The following FAM220A variants were observed in gnomAD, a reference collection of about 807,000 sequenced individuals.
FAM220A encodes the protein protein FAM220A.
For synonymous variants in FAM220A, 141 were observed against 130.7 expected (o/e 1.08, Z -0.54); for missense variants, 392 against 321.6 (o/e 1.22, Z -1.68).
At chr7:6,333,017 C>CGTGCTGGCG (rs1364445785) in intron 1 of FAM220A, among the ~76,000 whole-genome samples, 2 of 151,874 alleles carry the variant, frequency 1.3e-5, no homozygotes, top group Admixed American at 1.3e-4. Context: ...AACAGCCAGA[C>CGTGCTGGCG]GTGCTGGCGG....
Position 6,331,007 on chromosome 7 carries a change from G to A in FAM220A, c.148C>T (p.Pro50Ser). 1 of 1,614,134 alleles carries A rather than the reference G, an allele frequency of 6.2e-7. No individual in the cohort carries two copies. Among genetic ancestry groups the A allele is most frequent in the Non-Finnish European group, 8.5e-7 (1 of 1,180,032 alleles). Residue 50 changes from proline (P) to serine (S), a missense_variant, in exon 2 of 2, where the codon CCT becomes TCT. Transcript: ENST00000313324. ...PADAPSWMNK[P>S]VVDGNSQSEA... ...CTTTGTGAATTTCCATCAACCACAG[G>A]CTTATTCATCCAGGAGGGTGCATCT...
rs200127529 is a variant in FAM220A at position 6,330,277 on chromosome 7, AC to A, written c.*97del. ...CAGGTCGTACAAAACTACAGCAGGAACCTAAGGGCTGCACAGTTTGCATCCA... is the reference window on the plus strand; with the variant it reads ...CAGGTCGTACAAAACTACAGCAGGAACTAAGGGCTGCACAGTTTGCATCCA... On this transcript the variant is annotated 3_prime_UTR_variant, in exon 2 of 2. Transcript: ENST00000313324. The A allele has an allele frequency of 0.029, 34,671 of 1,175,516 alleles. 633 individuals are homozygous for A. The highest frequency in any genetic ancestry group is 0.067 in the Middle Eastern group (270 of 4,018). 72.8% of individuals were successfully genotyped at this position (1,175,516 alleles called of 1,614,324 possible).
intron 1 of FAM220A, among the ~76,000 whole-genome samples, chr7:6,347,441 G>C (rs981118098): frequency 2.6e-5 from 4 of 151,896 alleles, no homozygotes; most frequent in Non-Finnish European, 4.4e-5. Flanking sequence ...GCTTGAACTC[G>C]GGAGGCAGAG....
intron 1 of FAM220A, among the ~76,000 whole-genome samples, chr7:6,334,746 G>A (rs191822238): frequency 3.9e-4 from 60 of 152,050 alleles, no homozygotes; most frequent in South Asian, 1.9e-3. Flanking sequence ...GATTACAGGC[G>A]TGAGCCACCA....
chr7:6,334,899 G>C (rs924195495), intron 1 of FAM220A, among the ~76,000 whole-genome samples: 1 of 151,958 alleles, frequency 6.6e-6, no homozygotes, highest in African/African-American at 2.4e-5. Flanking sequence ...CTCCTGAGTA[G>C]CTGGGATTAT....
At chr7:6,331,372 A>G in intron 1 of FAM220A, 137 bp from the exon 2 acceptor site, 1 of 608,510 alleles carries the variant, frequency 1.6e-6, no homozygotes, top group East Asian at 2.8e-5. Flanking sequence ...CATATTGGTA[A>G]GGCTGGTTTT....
chr7:6,340,086 T>C (rs1212794862), intron 1 of FAM220A, among the ~76,000 whole-genome samples: 1 of 151,602 alleles, frequency 6.6e-6, no homozygotes, highest in Non-Finnish European at 1.5e-5. Flanking sequence ...GGTTTCTCCA[T>C]GTTGACCAGG....
chr7:6,333,840 CTTTTTTTT>C (rs904989717), intron 1 of FAM220A, among the ~76,000 whole-genome samples: 2 of 96,844 alleles, frequency 2.1e-5, no homozygotes, highest in African/African-American at 7.9e-5. Flanking sequence ...CTCCTGGCCT[CTTTTTTTT>C]TTTTTTTTTT....
chr7:6,334,530 G>A (rs1781707784), intron 1 of FAM220A, among the ~76,000 whole-genome samples: 1 of 151,970 alleles, frequency 6.6e-6, no homozygotes, highest in African/African-American at 2.4e-5. Context: ...TGCAGTGGCA[G>A]GATCACAGCT....
chr7:6,337,635 G>A (rs1583238571), intron 1 of FAM220A, among the ~76,000 whole-genome samples: 1 of 151,306 alleles, frequency 6.6e-6, no homozygotes, highest in Non-Finnish European at 1.5e-5. Context: ...GGTACCATTA[G>A]TAATCACTTA....
chr7:6,342,951 G>A (rs1276289184), intron 1 of FAM220A, among the ~76,000 whole-genome samples: 6 of 151,804 alleles, frequency 4.0e-5, no homozygotes, highest in Non-Finnish European at 8.8e-5. Flanking sequence ...GTGGGAGGAT[G>A]GCTTGAGTCC....
chr7:6,340,675 G>A (rs1013866414), intron 1 of FAM220A, among the ~76,000 whole-genome samples: 7 of 151,778 alleles, frequency 4.6e-5, no homozygotes, highest in Non-Finnish European at 1.0e-4. Context: ...CGAGGCGGGC[G>A]GATCACGAGG....
At chr7:6,339,042 C>T (rs191239291) in intron 1 of FAM220A, among the ~76,000 whole-genome samples, 3 of 152,108 alleles carry the variant, frequency 2.0e-5, no homozygotes, top group African/African-American at 4.8e-5. Flanking sequence ...GAAACAAACC[C>T]CCGGATTTCC....
At chr7:6,339,614 G>C (rs969162439) in intron 1 of FAM220A, among the ~76,000 whole-genome samples, 2 of 151,834 alleles carry the variant, frequency 1.3e-5, no homozygotes, top group African/African-American at 4.8e-5. Context: ...CTCCGGAGTA[G>C]CTGGGACTAC....
intron 1 of FAM220A, among the ~76,000 whole-genome samples, chr7:6,340,090 G>C (rs1032082965): frequency 1.3e-5 from 2 of 151,724 alleles, no homozygotes; most frequent in African/African-American, 4.8e-5. Context: ...TCTCCATGTT[G>C]ACCAGGCTGG....
At chr7:6,344,957 T>C (rs1167013795) in intron 1 of FAM220A, among the ~76,000 whole-genome samples, 1 of 151,958 alleles carries the variant, frequency 6.6e-6, no homozygotes, top group Admixed American at 6.6e-5. Context: ...GCCATGCTGG[T>C]CTCAAACTCC....
At chr7:6,344,583 T>G (rs982726122) in intron 1 of FAM220A, among the ~76,000 whole-genome samples, 2 of 151,962 alleles carry the variant, frequency 1.3e-5, no homozygotes, top group East Asian at 1.9e-4. Context: ...CACGCCCAGC[T>G]AATTTTTGTA....
chr7:6,337,058 A>G (rs1583238223), intron 1 of FAM220A, among the ~76,000 whole-genome samples: 1 of 152,036 alleles, frequency 6.6e-6, no homozygotes, highest in South Asian at 2.1e-4. Flanking sequence ...ATATGTTGAA[A>G]TAGGTATTTT....
In FAM220A at chr7:6,329,435, T is replaced by C. The variant is rs1251017842; in HGVS notation, c.*940A>G. ...ATAAAATAAGACATATTTATTAAGC[T>C]AAAGAACAAATTTTATTTTTCATTT... is the stretch of plus-strand genomic sequence containing the variant. On this transcript the variant is annotated 3_prime_UTR_variant, in exon 2 of 2. Transcript: ENST00000313324. 6.6e-6 allele frequency: 1 copy of C among 152,460 alleles called. No individual in the cohort carries two copies. Among genetic ancestry groups the C allele is most frequent in the Non-Finnish European group, 1.5e-5 (1 of 68,032 alleles). The allele number at this position is 152,460 out of a possible 1,614,324, so 9.4% of individuals were successfully genotyped here.
Sources: gnomAD v4.1 joint callset for allele counts (sites outside exome capture counted in the v4.1 genomes callset) on GRCh38, gnomAD v4.1.1 for gene constraint, MANE v1.5 for transcripts, NCBI Gene and HGNC (gene_info 2026-07-23, HGNC 2026-07-21) for gene names.